Variants in IVD observed in about 807,000 individuals in gnomAD.
The protein encoded by IVD is isovaleryl-CoA dehydrogenase, also known as isovaleryl-CoA dehydrogenase, mitochondrial.
A neutral mutation model predicts 51.3 loss-of-function variants in IVD; 31 were observed. The ratio of observed to expected loss-of-function variants is 0.60; its 90% CI spans 0.45 to 0.81. IVD has a LOEUF of 0.81. Ranked by LOEUF, IVD falls within the 40% of genes least tolerant of loss-of-function variation. The pLI is 0.00. For synonymous variants in IVD, 205 were observed against 219.4 expected, an observed-to-expected ratio of 0.93 and a Z score of 0.58; for missense variants, 475 against 552.0, an observed-to-expected ratio of 0.86 and a Z score of 1.40.
At chr15:40,421,352 AC>A, downstream of IVD, 2 of 985,458 alleles carry the variant, frequency 2.0e-6, no homozygotes, top group Non-Finnish European at 2.4e-6. Flanking sequence ...GGGCACGTCT[AC>A]TTTGGTTCTT....
chr15:40,417,230 G>A (rs112571916), intron 11 of IVD, among the ~76,000 whole-genome samples: 13,020 of 147,538 alleles, frequency 0.088, 748 homozygotes, highest in Non-Finnish European at 0.12. Context: ...AAAAAAGGCC[G>A]GGCACGGTGG....
chr15:40,420,300 C>T lies in IVD; in HGVS notation c.*2037C>T. On this transcript the variant is annotated 3_prime_UTR_variant, in exon 12 of 12. Coordinates refer to ENST00000487418, the MANE Select transcript of IVD (RefSeq NM_002225.5). ...CACCCACAGCTGACTGGGCAGCAGGCACAGGCCCTACCCGAGCAGGCCGGA... is the reference window on the plus strand; with the variant it reads ...CACCCACAGCTGACTGGGCAGCAGGTACAGGCCCTACCCGAGCAGGCCGGA... 2.0e-6 allele frequency: 2 copies of T among 987,698 alleles called. No homozygotes were observed. Among genetic ancestry groups the T allele is most frequent in the Non-Finnish European group, 2.4e-6 (2 of 830,162 alleles). 61.2% of individuals were successfully genotyped at this position (987,698 alleles called of 1,614,324 possible).
At chr15:40,415,064 C>G in intron 8 of IVD, 82 bp downstream of exon 8, 1 of 1,518,714 alleles carries the variant, frequency 6.6e-7, no homozygotes, top group Non-Finnish European at 9.0e-7. Flanking sequence ...GCAGCCTTCC[C>G]CTTGCGGGGC....
intron 7 of IVD, among the ~76,000 whole-genome samples, chr15:40,413,547 G>GT (rs1891312896): frequency 6.6e-6 from 1 of 152,126 alleles, no homozygotes; most frequent in Middle Eastern, 3.2e-3. Context: ...TTCTGCTTGA[G>GT]TATGAGTATT....
intron 11 of IVD, among the ~76,000 whole-genome samples, chr15:40,417,917 C>T (rs774624681): frequency 6.6e-6 from 1 of 152,184 alleles, no homozygotes; most frequent in African/African-American, 2.4e-5. Context: ...GTACTATCTA[C>T]GGTTTCAGGC....
At chr15:40,428,464 C>A (rs1356570174), downstream of IVD, among the ~76,000 whole-genome samples, 2 of 152,066 alleles carry the variant, frequency 1.3e-5, no homozygotes, top group African/African-American at 4.8e-5. Flanking sequence ...GCCTTTGGGA[C>A]CTCCCTCTCC....
chr15:40,428,513 G>C (rs1162681822), downstream of IVD, among the ~76,000 whole-genome samples: 1 of 152,174 alleles, frequency 6.6e-6, no homozygotes, highest in Non-Finnish European at 1.5e-5. Context: ...CTTGGCTCCA[G>C]AGTGAAGGAG....
At chr15:40,423,100 G>C (rs549990521), downstream of IVD, among the ~76,000 whole-genome samples, 15 of 150,474 alleles carry the variant, frequency 1.0e-4, no homozygotes, top group African/African-American at 3.7e-4. Flanking sequence ...CACCATGCCA[G>C]ACTAATTTTT....
rs756184085 is a variant in IVD at position 40,411,580 on chromosome 15, C to T, written c.576C>T (p.Asn192=). 1.5e-5 allele frequency: 25 copies of T among 1,614,082 alleles called. No individual in the cohort carries two copies. Among genetic ancestry groups the T allele is most frequent in the Non-Finnish European group, 1.9e-5 (23 of 1,180,022 alleles). Residue 192 remains asparagine (N), a synonymous_variant, in exon 6 of 12, where the codon AAC becomes AAT. Coordinates refer to ENST00000487418, the MANE Select transcript of IVD (RefSeq NM_002225.5). The stretch of plus-strand genomic sequence containing the variant: ...GAAATCACTACATCCTGAATGGCAA[C>T]AAGTTCTGGATCACTAATGGCCCTG... ...KKGNHYILNG[N]KFWITNGPDA... is the part of the protein sequence containing the mutation.
chr15:40,422,585 C>CTTTTTTTTTTTTTT (rs1157351420), downstream of IVD, among the ~76,000 whole-genome samples: 185 of 69,138 alleles, frequency 2.7e-3, 18 homozygotes, highest in African/African-American at 4.1e-3. Context: ...GCCCGGCCGA[C>CTTTTTTTTTTTTTT]TTTTTTTTTT....
chr15:40,414,770 G>T, intron 7 of IVD, 119 bp from the exon 8 acceptor site: 1 of 1,497,926 alleles, frequency 6.7e-7, no homozygotes. Flanking sequence ...GTTGAATAAA[G>T]GTCAAGTGAC....
chr15:40,409,553 C>T (rs545555899), intron 3 of IVD, among the ~76,000 whole-genome samples: 2 of 152,256 alleles, frequency 1.3e-5, no homozygotes, highest in East Asian at 3.9e-4. Flanking sequence ...GTTGTAGGGG[C>T]AGGTCAAGGT....
intron 7 of IVD, among the ~76,000 whole-genome samples, chr15:40,432,333 A>C (rs1244636924): frequency 6.6e-6 from 1 of 152,174 alleles, no homozygotes; most frequent in African/African-American, 2.4e-5. Context: ...TGTGCTCTTC[A>C]GTTTCTGAGG....
At chr15:40,429,641 C>T (rs1265869276) in intron 7 of IVD, among the ~76,000 whole-genome samples, 1 of 152,176 alleles carries the variant, frequency 6.6e-6, no homozygotes, top group East Asian at 1.9e-4. Context: ...GGGAGGATAA[C>T]TTCTTCGCCC....
Position 40,420,608 on chromosome 15 carries a change from C to T in IVD, c.*2345C>T. 1 of 987,512 alleles carries T rather than the reference C, an allele frequency of 1.0e-6. No individual in the cohort carries two copies. Among genetic ancestry groups the T allele is most frequent in the Non-Finnish European group, 1.2e-6 (1 of 830,100 alleles). 61.2% of individuals were successfully genotyped at this position (987,512 alleles called of 1,614,324 possible). A position where few individuals can be genotyped will look rare whatever the true frequency, so the allele number is the denominator to read the frequency against. Reference sequence around the variant, plus strand: ...GCCCTTAGGAGAGAGGTCTCAGCCTCCCTTTCCCAGATCTCCCAGTGAGTT... The same window carrying T: ...GCCCTTAGGAGAGAGGTCTCAGCCTTCCTTTCCCAGATCTCCCAGTGAGTT... On this transcript the variant is annotated 3_prime_UTR_variant, in exon 12 of 12. Coordinates refer to ENST00000487418, the MANE Select transcript of IVD (RefSeq NM_002225.5).
At chr15:40,435,508 G>C (rs914816232) in exon 9 of IVD, 2 of 1,252,284 alleles carry the variant, frequency 1.6e-6, no homozygotes, top group South Asian at 2.6e-5. Flanking sequence ...CGAGGGAACT[G>C]AGATGCAAGA....
chr15:40,407,895 C>T (rs1297313639), intron 2 of IVD, 44 bp from the exon 3 acceptor site: 1 of 1,605,504 alleles, frequency 6.2e-7, no homozygotes, highest in Non-Finnish European at 8.5e-7. Flanking sequence ...GACTGGCTGC[C>T]TTCCCCTCAA....
chr15:40,434,770 G>A (rs568686186), intron 8 of IVD, among the ~76,000 whole-genome samples: 1 of 152,278 alleles, frequency 6.6e-6, no homozygotes, highest in East Asian at 1.9e-4. Context: ...GACCTATGCT[G>A]GAGACCCCAA....
intron 9 of IVD, 139 bp from the exon 10 acceptor site, chr15:40,415,939 C>T: frequency 1.3e-6 from 1 of 775,284 alleles, no homozygotes; most frequent in Non-Finnish European, 2.2e-6. Context: ...CCCCCATCTC[C>T]ATCATCCTGA....
Sources: allele counts gnomAD v4.1 joint callset (sites outside exome capture counted in the v4.1 genomes callset), GRCh38; gene constraint gnomAD v4.1.1; transcripts MANE v1.5; gene names NCBI Gene and HGNC (gene_info 2026-07-23, HGNC 2026-07-21).